Variants in SLBP observed in about 807,000 individuals in gnomAD.
SLBP encodes histone RNA hairpin-binding protein.
A neutral mutation model predicts 39.2 loss-of-function variants in SLBP; 29 were observed. The ratio of observed to expected loss-of-function variants is 0.74; its 90% CI spans 0.55 to 1.01. The LOEUF (loss-of-function observed/expected upper bound fraction) is 1.01, where lower values mean the gene tolerates loss of function less well. Among genes scored for constraint, SLBP ranks in the 50% least tolerant of loss-of-function variants. The pLI is 0.00. For missense variants in SLBP, 390 were observed against 350.2 expected, an observed-to-expected ratio of 1.11 and a Z score of -0.91; for synonymous variants, 129 against 118.7, an observed-to-expected ratio of 1.09 and a Z score of -0.57.
At chr4:1,705,415 T>C (rs1379631830) in intron 2 of SLBP, among the ~76,000 whole-genome samples, 1 of 152,220 alleles carries the variant, frequency 6.6e-6, no homozygotes, top group African/African-American at 2.4e-5. Context: ...CAAAAACTTA[T>C]CCAGCCCACC....
At position 1,712,093 on chromosome 4, in the gene SLBP, C is replaced by T. The variant is rs1439161479; in HGVS notation, c.59+37G>A. 4 of 1,228,474 alleles carry T rather than the reference C, an allele frequency of 3.3e-6. No homozygotes were observed. In the Admixed American group the frequency reaches 1.7e-4, roughly 53 times the overall value. 76.1% of individuals were successfully genotyped at this position (1,228,474 alleles called of 1,614,324 possible). ...CCCGCACAACCCCCGCCCCACGGGG[C>T]ACGCGCTCCCTCGCCCGCCGCGCAG... On this transcript the variant is annotated intron_variant, in intron 1 of 7. Coordinates refer to ENST00000489418, the MANE Select transcript of SLBP (RefSeq NM_006527.4).
chr4:1,703,172 G>A (rs1010996769), intron 3 of SLBP, among the ~76,000 whole-genome samples: 10 of 151,288 alleles, frequency 6.6e-5, no homozygotes, highest in African/African-American at 2.2e-4. Flanking sequence ...GGGAGGCAGA[G>A]GTTGCAGTGA....
rs748845484 is a variant in SLBP, at chr4:1,700,088, A to G, written c.282-18T>C. On this transcript the variant is annotated intron_variant, in intron 3 of 7. Transcript: ENST00000489418. ...TTTTATATCTGAGGGCAAAATAAAT[A>G]TTGCTGTTTTTAAAAAAGATATAAA... is the stretch of plus-strand genomic sequence containing the variant. 11 of 1,553,176 alleles carry G rather than the reference A, an allele frequency of 7.1e-6. No homozygotes were observed. The highest frequency in any genetic ancestry group is 9.7e-6 in the Non-Finnish European group (11 of 1,131,556).
intron 5 of SLBP, among the ~76,000 whole-genome samples, chr4:1,698,631 T>C (rs1374799006): frequency 1.3e-5 from 2 of 150,460 alleles, no homozygotes; most frequent in Non-Finnish European, 3.0e-5. Flanking sequence ...ACTACAAATG[T>C]GTGCCACCAC....
intron 5 of SLBP, among the ~76,000 whole-genome samples, chr4:1,697,836 G>A (rs112106119): frequency 0.027 from 4,166 of 151,990 alleles, 70 homozygotes; most frequent in Non-Finnish European, 0.044. Flanking sequence ...AGTGAAACTC[G>A]GTCTCAAAAA....
intron 2 of SLBP, among the ~76,000 whole-genome samples, chr4:1,706,640 T>C (rs1322701740): frequency 1.3e-5 from 2 of 151,810 alleles, no homozygotes; most frequent in Non-Finnish European, 2.9e-5. Context: ...ACCCAGCGTC[T>C]ACCAAAATAC....
chr4:1,694,763 A>C lies in SLBP; in HGVS notation c.696+11T>G. 6.2e-7 allele frequency: 1 copy of C among 1,600,854 alleles called. No homozygotes were observed. The highest frequency in any genetic ancestry group is 8.6e-7 in the Non-Finnish European group (1 of 1,167,778). Reference sequence around the variant, plus strand: ...AACCCCCAAGCTGAAAGACTTATCCAAAGTACTTACAAAGTCATCCTGAGA... The same window carrying C: ...AACCCCCAAGCTGAAAGACTTATCCCAAGTACTTACAAAGTCATCCTGAGA... On this transcript the variant is annotated intron_variant, in intron 7 of 7. Transcript: ENST00000489418.
At chr4:1,694,959 C>A in intron 6 of SLBP, 119 bp from the exon 7 acceptor site, 1 of 730,816 alleles carries the variant, frequency 1.4e-6, no homozygotes. Context: ...GTGCCCGAGG[C>A]TCCCTGAGGG....
At chr4:1,696,135 G>C (rs760934857) in intron 6 of SLBP, 67 bp downstream of exon 6, 3 of 1,381,896 alleles carry the variant, frequency 2.2e-6, no homozygotes, top group Non-Finnish European at 2.9e-6. Context: ...TGTCCCAGTG[G>C]TGCGCAGCTG....
chr4:1,694,721 A>G, intron 7 of SLBP, 53 bp downstream of exon 7: 1 of 1,274,196 alleles, frequency 7.8e-7, no homozygotes, highest in South Asian at 1.2e-5. Context: ...AGCATGTGTT[A>G]TTAACAATTC....
intron 3 of SLBP, among the ~76,000 whole-genome samples, chr4:1,701,972 C>G (rs1264333174): frequency 6.6e-6 from 1 of 152,112 alleles, no homozygotes; most frequent in Non-Finnish European, 1.5e-5. Flanking sequence ...AACAGAGCAG[C>G]CCAAACAGTG....
At chr4:1,711,548 C>T (rs1716770582) in intron 2 of SLBP, among the ~76,000 whole-genome samples, 1 of 152,192 alleles carries the variant, frequency 6.6e-6, no homozygotes. Flanking sequence ...CCTCGGGACT[C>T]GGGTGTCCCT....
At chr4:1,702,188 A>G (rs1716354116) in intron 3 of SLBP, among the ~76,000 whole-genome samples, 1 of 152,216 alleles carries the variant, frequency 6.6e-6, no homozygotes, top group South Asian at 2.1e-4. Context: ...AACACAAACT[A>G]TACAAGTCAA....
intron 2 of SLBP, among the ~76,000 whole-genome samples, chr4:1,708,041 T>C (rs914792096): frequency 1.4e-5 from 2 of 147,258 alleles, no homozygotes; most frequent in African/African-American, 5.1e-5. Context: ...ATCGCGCCAC[T>C]GCACTCCAGC....
At chr4:1,697,277 G>A (rs1386859173) in intron 5 of SLBP, among the ~76,000 whole-genome samples, 2 of 150,890 alleles carry the variant, frequency 1.3e-5, no homozygotes, top group East Asian at 3.9e-4. Flanking sequence ...AGACCAGCCT[G>A]GCCAACAGGG....
intron 3 of SLBP, among the ~76,000 whole-genome samples, chr4:1,702,461 C>A (rs1716362110): frequency 6.6e-6 from 1 of 152,186 alleles, no homozygotes; most frequent in South Asian, 2.1e-4. Context: ...AACAGGTAGT[C>A]TAGGTATCGT....
chr4:1,700,991 C>T (rs541234181), intron 3 of SLBP, among the ~76,000 whole-genome samples: 3 of 152,182 alleles, frequency 2.0e-5, no homozygotes, highest in South Asian at 2.1e-4. Flanking sequence ...ATTTATCTCC[C>T]GTGCATCTAG....
In SLBP at chr4:1,712,205, C is replaced by A. The variant is rs746303401; in HGVS notation, c.-17G>T. 33 of 1,246,826 alleles carry A rather than the reference C, an allele frequency of 2.6e-5. No homozygotes were observed. The highest frequency in any genetic ancestry group is 9.0e-5 in the South Asian group (3 of 33,246). 77.2% of individuals were successfully genotyped at this position (1,246,826 alleles called of 1,614,324 possible). ...GCAGGCCATGGCAGCACGGGCCGGGCGCGCAGCGCAGGGCCGAGGCTGAGG... is the reference window on the plus strand; with the variant it reads ...GCAGGCCATGGCAGCACGGGCCGGGAGCGCAGCGCAGGGCCGAGGCTGAGG... On this transcript the variant is annotated 5_prime_UTR_variant, in exon 1 of 8. Transcript: ENST00000489418.
intron 2 of SLBP, among the ~76,000 whole-genome samples, chr4:1,709,082 T>G (rs1452204856): frequency 6.6e-6 from 1 of 150,392 alleles, no homozygotes; most frequent in Non-Finnish European, 1.5e-5. Flanking sequence ...TTTTTTTTTT[T>G]GAGACAGTTT....
Sources: allele counts gnomAD v4.1 joint callset (sites outside exome capture counted in the v4.1 genomes callset), GRCh38; gene constraint gnomAD v4.1.1; transcripts MANE v1.5; gene names NCBI Gene and HGNC (gene_info 2026-07-23, HGNC 2026-07-21).